AP2A2: variants seen among roughly 807,000 people sequenced by gnomAD.
AP2A2 encodes the protein AP-2 complex subunit alpha-2.
AP2A2 carries 32 observed loss-of-function variants against 104.2 expected under a neutral mutation model. That is an observed-to-expected ratio of 0.31 (90% confidence interval 0.23 to 0.41). The LOEUF (loss-of-function observed/expected upper bound fraction) is 0.41. Ranked by LOEUF, AP2A2 falls within the 10% of genes least tolerant of loss-of-function variation. The pLI, the probability that AP2A2 is intolerant of heterozygous loss-of-function variation, is 1.00. For synonymous variants in AP2A2, 539 were observed against 533.3 expected (o/e 1.01, Z -0.15); for missense variants, 912 against 1,261.0 (o/e 0.72, Z 4.19).
In AP2A2 at chr11:1,000,604, C is replaced by T; in HGVS notation, c.2123+6C>T. ...TCCGAAGACAACTTTGCCAGGTAGT[C>T]AGGTTTCCTGAGTCCTGCAGACAGG... On this transcript the variant is annotated splice_donor_region_variant and intron_variant, in intron 15 of 21. Transcript: ENST00000448903. The T allele has an allele frequency of 6.5e-7, 1 of 1,540,806 alleles. No homozygotes were observed. The highest frequency in any genetic ancestry group is 8.7e-7 in the Non-Finnish European group (1 of 1,148,654).
At chr11:959,001 G>C (rs1056854452) in intron 1 of AP2A2, among the ~76,000 whole-genome samples, 3 of 152,244 alleles carry the variant, frequency 2.0e-5, no homozygotes, top group African/African-American at 7.2e-5. Context: ...AAAGCCTATA[G>C]TAGTAAAACT....
intron 1 of AP2A2, among the ~76,000 whole-genome samples, chr11:952,733 G>A (rs1719111448): frequency 6.6e-6 from 1 of 152,160 alleles, no homozygotes; most frequent in South Asian, 2.1e-4. Context: ...TGTGTGGCTG[G>A]GCTTGTTGCT....
chr11:969,219 CCTTTT>C (rs59085104), intron 2 of AP2A2, among the ~76,000 whole-genome samples: 47,889 of 112,212 alleles, frequency 0.43, 13,332 homozygotes, highest in Middle Eastern at 0.62. Flanking sequence ...GTAGAACAGC[CCTTTT>C]TTTTTTTTTT....
chr11:987,263 G>T (rs1027527323), intron 9 of AP2A2, among the ~76,000 whole-genome samples: 1 of 152,214 alleles, frequency 6.6e-6, no homozygotes, highest in Non-Finnish European at 1.5e-5. Flanking sequence ...AAGTAGAAAT[G>T]GTTCTTCTTG....
intron 6 of AP2A2, among the ~76,000 whole-genome samples, chr11:982,276 C>T (rs1273293639): frequency 6.6e-6 from 1 of 152,198 alleles, no homozygotes; most frequent in Non-Finnish European, 1.5e-5. Flanking sequence ...GTCTTGAACT[C>T]CTGACCTCAA....
intron 2 of AP2A2, among the ~76,000 whole-genome samples, chr11:967,874 T>C (rs962922765): frequency 2.6e-5 from 4 of 152,180 alleles, no homozygotes; most frequent in African/African-American, 4.8e-5. Context: ...CCTCTGCCTT[T>C]TATAGCTCAG....
intron 4 of AP2A2, among the ~76,000 whole-genome samples, chr11:974,597 G>A (rs1437557890): frequency 1.3e-5 from 2 of 149,376 alleles, no homozygotes; most frequent in South Asian, 2.1e-4. Flanking sequence ...CAGGAGAATC[G>A]CTTGAACCCA....
intron 2 of AP2A2, 78 bp downstream of exon 2, chr11:959,583 C>T (rs975753776): frequency 1.1e-6 from 1 of 908,720 alleles, no homozygotes; most frequent in East Asian, 2.5e-5. Context: ...TTAATACTGT[C>T]TTCTTTTCTC....
Position 1,010,633 on chromosome 11 carries a change from G to A in AP2A2, c.*8G>A. 1.3e-6 allele frequency: 2 copies of A among 1,584,638 alleles called. No homozygotes were observed. Among genetic ancestry groups the A allele is most frequent in the Non-Finnish European group, 1.7e-6 (2 of 1,164,346 alleles). On this transcript the variant is annotated 3_prime_UTR_variant, in exon 22 of 22. Transcript: ENST00000448903. ...CTCTCAGCGCAGTTTTAGTCCTGAG[G>A]ATGGAAGACCAGGCTCGTGTGTCTT...
Position 1,010,562 on chromosome 11 carries a change from G to A in AP2A2, c.2757G>A (p.Thr919=), listed in dbSNP as rs893050153. The A allele has an allele frequency of 9.0e-5, 143 of 1,593,756 alleles. No homozygotes were observed. The highest frequency in any genetic ancestry group is 1.2e-4 in the Non-Finnish European group (140 of 1,170,424). ...PNLQAQMYRL[T]LRTSKEAVSQ... is the part of the protein sequence containing the mutation. ...CTCTGTTTCAGATGTACCGGCTCAC[G>A]CTGCGCACAAGTAAGGAAGCCGTTT... is the stretch of plus-strand genomic sequence containing the variant. The change falls in exon 22 of 22, where the codon ACG becomes ACA. Residue 919 remains threonine (T), a synonymous_variant. Transcript: ENST00000448903.
chr11:971,194 G>A (rs571497473), intron 3 of AP2A2, among the ~76,000 whole-genome samples: 14 of 152,264 alleles, frequency 9.2e-5, no homozygotes, highest in Admixed American at 3.3e-4. Flanking sequence ...TTGTCCTGGG[G>A]GAGATGGGTG....
chr11:960,152 G>A (rs1490230089), intron 2 of AP2A2, among the ~76,000 whole-genome samples: 1 of 152,164 alleles, frequency 6.6e-6, no homozygotes. Flanking sequence ...GGAACTGGAG[G>A]GACAGGCAGA....
chr11:954,309 C>T (rs1173088877), intron 1 of AP2A2, among the ~76,000 whole-genome samples: 1 of 152,204 alleles, frequency 6.6e-6, no homozygotes, highest in Non-Finnish European at 1.5e-5. Context: ...CATCACCTTC[C>T]ATGCTTCTCC....
chr11:986,585 CAA>C (rs1855464814), intron 8 of AP2A2, among the ~76,000 whole-genome samples, 198 bp from the exon 9 acceptor site: 1 of 152,190 alleles, frequency 6.6e-6, no homozygotes, highest in African/African-American at 2.4e-5. Context: ...AGGATGGACA[CAA>C]AATGGATGTC....
At chr11:975,860 G>A (rs1013843424) in intron 4 of AP2A2, among the ~76,000 whole-genome samples, 6 of 152,226 alleles carry the variant, frequency 3.9e-5, no homozygotes, top group South Asian at 2.1e-4. Flanking sequence ...AGCTGACACC[G>A]GAGAGTAGTG....
chr11:1,009,597 G>A lies in AP2A2; in HGVS notation c.2608-86G>A, dbSNP rs377119556. Reference sequence around the variant, plus strand: ...CGGGGGACACGCAGCCCACGACCCAGCGCCAGGGTCTGGAGGGGCGGCCCC... The same window carrying A: ...CGGGGGACACGCAGCCCACGACCCAACGCCAGGGTCTGGAGGGGCGGCCCC... On this transcript the variant is annotated intron_variant, in intron 20 of 21. Coordinates refer to ENST00000448903, the MANE Select transcript of AP2A2 (RefSeq NM_012305.4). The A allele has an allele frequency of 1.9e-3, 2,159 of 1,147,632 alleles. 56 individuals carry two copies. In the East Asian group the frequency reaches 0.049, roughly 26 times the overall value. 71.1% of individuals were successfully genotyped at this position (1,147,632 alleles called of 1,614,324 possible). A position where few individuals can be genotyped will look rare whatever the true frequency, so the allele number is the denominator to read the frequency against.
chr11:986,080 G>A (rs1407517202), intron 8 of AP2A2, among the ~76,000 whole-genome samples: 3 of 152,224 alleles, frequency 2.0e-5, no homozygotes, highest in Admixed American at 2.0e-4. Context: ...CTCAGCAGTT[G>A]CGGCGCACCA....
At chr11:948,855 A>G (rs1589955931) in intron 1 of AP2A2, among the ~76,000 whole-genome samples, 1 of 151,958 alleles carries the variant, frequency 6.6e-6, no homozygotes, top group Non-Finnish European at 1.5e-5. Flanking sequence ...CAACGAGCGA[A>G]ACTCCATCTC....
At chr11:960,282 G>T (rs1229064575) in intron 2 of AP2A2, among the ~76,000 whole-genome samples, 1 of 150,176 alleles carries the variant, frequency 6.7e-6, no homozygotes, top group East Asian at 1.9e-4. Flanking sequence ...TTGCTCTGTC[G>T]CTCAGTGTGG....
Sources: allele counts gnomAD v4.1 joint callset (sites outside exome capture counted in the v4.1 genomes callset), GRCh38; gene constraint gnomAD v4.1.1; transcripts MANE v1.5; gene names NCBI Gene and HGNC (gene_info 2026-07-23, HGNC 2026-07-21).